DHX40: variants seen among roughly 807,000 people sequenced by gnomAD.
DHX40 encodes the protein probable ATP-dependent RNA helicase DHX40.
DHX40 carries 28 observed loss-of-function variants against 89.6 expected under a neutral mutation model. The observed-to-expected ratio is 0.31, with a 90% confidence interval of 0.23 to 0.43. The LOEUF is 0.43. Ranked by LOEUF, DHX40 falls within the 20% of genes least tolerant of loss-of-function variation. The pLI is 1.00. For missense variants in DHX40, 457 were observed against 844.0 expected, an observed-to-expected ratio of 0.54 and a Z score of 5.68; for synonymous variants, 226 against 283.6, an observed-to-expected ratio of 0.80 and a Z score of 2.04.
intron 6 of DHX40, among the ~76,000 whole-genome samples, 176 bp from the exon 7 acceptor site, chr17:59,575,164 C>T (rs957078256): frequency 1.3e-5 from 2 of 151,950 alleles, no homozygotes; most frequent in African/African-American, 2.4e-5. Context: ...GATGTTTCTT[C>T]TACTTCGAAT....
chr17:59,568,491 C>A (rs2048740245), intron 2 of DHX40, among the ~76,000 whole-genome samples: 1 of 152,004 alleles, frequency 6.6e-6, no homozygotes, highest in Non-Finnish European at 1.5e-5. Context: ...CTGAAACTGC[C>A]AATAATACCA....
At position 59,574,153 on chromosome 17, in the gene DHX40, C is replaced by A. The variant is rs550851912; in HGVS notation, c.775-35C>A. On this transcript the variant is annotated intron_variant, in intron 5 of 17. Transcript: ENST00000251241. ...TGGTGGTAAGGGAATGACTGTATTTCCACTAGCATATTATGCCTGCATTTC... is the reference window on the plus strand; with the variant it reads ...TGGTGGTAAGGGAATGACTGTATTTACACTAGCATATTATGCCTGCATTTC... The A allele has an allele frequency of 1.0e-4, 53 of 525,236 alleles. No individual in the cohort carries two copies. The African/African-American group carries it at 1.5e-3, about 15-fold the overall frequency. The allele number at this position is 525,236 out of a possible 1,614,324, so 32.5% of individuals were successfully genotyped here.
In DHX40 at chr17:59,565,768, T is replaced by G. The variant is rs752038735; in HGVS notation, c.97T>G (p.Cys33Gly). 44 of 1,602,708 alleles carry G rather than the reference T, an allele frequency of 2.7e-5. No individual in the cohort carries two copies. Among genetic ancestry groups the G allele is most frequent in the Non-Finnish European group, 2.9e-5 (34 of 1,178,260 alleles). Residue 33 changes from cysteine to glycine, a missense_variant, in exon 1 of 18, where the codon TGC (cysteine) becomes GGC (glycine). Physicochemically the swap from Cys to Gly is radical, Grantham distance 159 (BLOSUM62 -3). Transcript: ENST00000251241. ...DLQEERLSAV[C>G]IADREEKGCT... ...CCAGGAAGAGCGGCTCTCGGCTGTTTGCATCGCCGATAGAGGTGCGGTCCG... is the reference window on the plus strand; with the variant it reads ...CCAGGAAGAGCGGCTCTCGGCTGTTGGCATCGCCGATAGAGGTGCGGTCCG...
chr17:59,581,826 T>A lies in DHX40; in HGVS notation c.1343+1947T>A, dbSNP rs1358224241. On this transcript the variant is annotated intron_variant, in intron 10 of 17. Coordinates refer to ENST00000251241, the MANE Select transcript of DHX40 (RefSeq NM_024612.5). ...AAACCCACAAATACTCATTGTATAC[T>A]CTTGGAAAGCCAATTTGCCAATTTC... is the stretch of plus-strand genomic sequence containing the variant. 1.6e-5 allele frequency among the ~76,000 whole-genome samples: 2 copies of A among 123,058 alleles called. 1 individual carries two copies. Among genetic ancestry groups the A allele is most frequent in the Non-Finnish European group, 3.2e-5 (2 of 62,526 alleles). 80.7% of individuals were successfully genotyped at this position (123,058 alleles called of 152,430 possible). A position where few individuals can be genotyped will look rare whatever the true frequency, so the allele number is the denominator to read the frequency against.
intron 12 of DHX40, among the ~76,000 whole-genome samples, chr17:59,589,215 AT>A (rs1209554990): frequency 0.019 from 1,655 of 89,298 alleles, 8 homozygotes; most frequent in African/African-American, 0.06. Context: ...ACTTGCTGGG[AT>A]TTTTTTTTTT....
chr17:59,568,433 GTAA>G (rs1163299629), intron 2 of DHX40, among the ~76,000 whole-genome samples: 1 of 152,110 alleles, frequency 6.6e-6, no homozygotes, highest in Non-Finnish European at 1.5e-5. Context: ...TTTATGTGCA[GTAA>G]TCCCTTCTTA....
chr17:59,600,853 A>ATTTTTTTTTTTTTTTT (rs59684239), intron 14 of DHX40, among the ~76,000 whole-genome samples: 1 of 130,840 alleles, frequency 7.6e-6, no homozygotes, highest in African/African-American at 2.9e-5. Context: ...TCTCAAAAAA[A>ATTTTTTTTTTTTTTTT]TTTTTTTTTT....
At chr17:59,606,740 C>T (rs549571390) in intron 17 of DHX40, among the ~76,000 whole-genome samples, 23 of 145,184 alleles carry the variant, frequency 1.6e-4, no homozygotes, top group African/African-American at 5.3e-4. Flanking sequence ...AGTGAGACTC[C>T]GTCTCAAAAA....
chr17:59,569,301 C>G (rs2048753838), intron 2 of DHX40, among the ~76,000 whole-genome samples: 1 of 151,236 alleles, frequency 6.6e-6, no homozygotes. Context: ...GCACTCCCGC[C>G]TGGGCAACAG....
rs1261532966 is a variant in DHX40, at chr17:59,600,535, G to T, written c.1806+1052G>T. On this transcript the variant is annotated intron_variant, in intron 14 of 17. Transcript: ENST00000251241. ...TTTTTCAATTTATATATCTTATTTT[G>T]GTAAAATAATTAATATAAAATTTAC... 2.7e-5 allele frequency among the ~76,000 whole-genome samples: 4 copies of T among 147,846 alleles called. No individual in the cohort carries two copies. The South Asian group carries it at 6.4e-4, about 23-fold the overall frequency.
intron 15 of DHX40, chr17:59,603,793 T>G (rs1382186433): frequency 6.6e-6 from 1 of 152,116 alleles, no homozygotes; most frequent in African/African-American, 2.4e-5. Context: ...AAAGTGAACA[T>G]AATGAAATAA....
At chr17:59,602,227 A>T (rs2030573948) in intron 14 of DHX40, among the ~76,000 whole-genome samples, 1 of 151,994 alleles carries the variant, frequency 6.6e-6, no homozygotes, top group African/African-American at 2.4e-5. Context: ...TTTGGGCTTT[A>T]CTTCCCTGTA....
chr17:59,600,834 A>G (rs773352548), intron 14 of DHX40, among the ~76,000 whole-genome samples: 23 of 149,192 alleles, frequency 1.5e-4, no homozygotes, highest in Non-Finnish European at 2.5e-4. Context: ...ACAGAGCAGC[A>G]GCACCCTGTC....
chr17:59,591,818 A>G (rs2049087121), intron 12 of DHX40, among the ~76,000 whole-genome samples: 1 of 151,798 alleles, frequency 6.6e-6, no homozygotes, highest in Non-Finnish European at 1.5e-5. Context: ...GTATTAGGCA[A>G]GAACAAGGGC....
At chr17:59,599,892 C>T (rs1407508928) in intron 14 of DHX40, among the ~76,000 whole-genome samples, 3 of 148,824 alleles carry the variant, frequency 2.0e-5, no homozygotes, top group Admixed American at 6.7e-5. Flanking sequence ...GGCGTGATCT[C>T]GGCTCACTGC....
chr17:59,575,043 C>T (rs2048861769), intron 6 of DHX40, among the ~76,000 whole-genome samples: 1 of 151,508 alleles, frequency 6.6e-6, no homozygotes, highest in Non-Finnish European at 1.5e-5. Context: ...AGCACCTGGA[C>T]TAGCTTTTCT....
chr17:59,586,428 C>T (rs370493748), intron 11 of DHX40, among the ~76,000 whole-genome samples, 195 bp downstream of exon 11: 2 of 151,990 alleles, frequency 1.3e-5, no homozygotes, highest in South Asian at 2.1e-4. Flanking sequence ...TTTGGGAGGC[C>T]GAGGTCGGTG....
intron 12 of DHX40, among the ~76,000 whole-genome samples, chr17:59,591,330 T>G (rs4352110): frequency 0.018 from 2,429 of 137,110 alleles, 16 homozygotes; most frequent in South Asian, 0.03. Flanking sequence ...AAGAAAGAAA[T>G]AAACAAGCTA....
intron 7 of DHX40, among the ~76,000 whole-genome samples, chr17:59,576,529 G>A (rs1197183153): frequency 6.6e-6 from 1 of 152,116 alleles, no homozygotes; most frequent in African/African-American, 2.4e-5. Flanking sequence ...TGGAATATAT[G>A]TGTCAGTAAA....
Sources: allele counts gnomAD v4.1 joint callset (sites outside exome capture counted in the v4.1 genomes callset), GRCh38; gene constraint gnomAD v4.1.1; transcripts MANE v1.5; gene names NCBI Gene and HGNC (gene_info 2026-07-23, HGNC 2026-07-21).